The following PPP1R42 variants were observed in gnomAD, a reference collection of about 807,000 sequenced individuals.
PPP1R42 encodes the protein leucine rich repeat containing 67.
A neutral mutation model predicts 31.0 loss-of-function variants in PPP1R42; 34 were observed. That is an observed-to-expected ratio of 1.10 (90% CI 0.83 to 1.46). The LOEUF (loss-of-function observed/expected upper bound fraction) is 1.46, where lower values mean the gene tolerates loss of function less well. Ranked by LOEUF, PPP1R42 falls within the 40% of genes most tolerant of loss-of-function variation. PPP1R42 has a pLI of 0.00. For missense variants in PPP1R42, 268 were observed against 303.0 expected (o/e 0.88, Z 0.86); for synonymous variants, 103 against 109.8 (o/e 0.94, Z 0.39).
chr8:66,991,844 A>G lies in PPP1R42; in HGVS notation c.553-3327T>C, dbSNP rs1460525529. Among the ~76,000 whole-genome samples the G allele has an allele frequency of 4.6e-5, 7 of 152,120 alleles. No individual in the cohort carries two copies. The East Asian group carries it at 1.4e-3, about 29-fold the overall frequency. Reference sequence around the variant, plus strand: ...ATGCTTCTCAAACTTTCATGTGCTTAAGAATCCTGAGTGATCTTATTTAAA... The same window carrying G: ...ATGCTTCTCAAACTTTCATGTGCTTGAGAATCCTGAGTGATCTTATTTAAA... On this transcript the variant is annotated intron_variant, in intron 5 of 7. Transcript: ENST00000685739.
intron 6 of PPP1R42, among the ~76,000 whole-genome samples, chr8:66,987,409 A>G (rs1383103906): frequency 6.8e-6 from 1 of 147,360 alleles, no homozygotes. Flanking sequence ...CTCCTATCTC[A>G]GCCTCCCGAG....
chr8:66,967,482 C>A (rs910193236), intron 7 of PPP1R42, among the ~76,000 whole-genome samples: 1 of 152,176 alleles, frequency 6.6e-6, no homozygotes, highest in African/African-American at 2.4e-5. Context: ...TATATAACAT[C>A]ATTCCAGAGT....
In PPP1R42 at chr8:66,964,352, G is replaced by GA. The variant is rs548053189; in HGVS notation, c.803-19dup. The GA allele has an allele frequency of 1.4e-4, 174 of 1,218,226 alleles. No individual in the cohort carries two copies. Among genetic ancestry groups the GA allele is most frequent in the South Asian group, 9.2e-4 (66 of 71,784 alleles). 75.5% of individuals were successfully genotyped at this position (1,218,226 alleles called of 1,614,324 possible). On this transcript the variant is annotated intron_variant, in intron 7 of 7. Coordinates refer to ENST00000685739, the MANE Select transcript of PPP1R42 (RefSeq NM_001364910.1). ...AGAGATTCCTGTATTTATAGAGAGGGAAAAAAAAGCATTAAATTAAAAAAA... is the reference window on the plus strand; with the variant it reads ...AGAGATTCCTGTATTTATAGAGAGGGAAAAAAAAAGCATTAAATTAAAAAAA...
chr8:66,970,924 A>T (rs1416055431), intron 7 of PPP1R42: 8 of 1,237,650 alleles, frequency 6.5e-6, no homozygotes, highest in African/African-American at 6.0e-5. Context: ...GTTTACTGTG[A>T]AGATGTCTCC....
intron 1 of PPP1R42, 121 bp from the exon 2 acceptor site, chr8:67,017,952 T>C: frequency 2.4e-6 from 1 of 411,748 alleles, no homozygotes; most frequent in South Asian, 8.9e-5. Flanking sequence ...TTTATAGACA[T>C]TTTTAGGGGC....
intron 5 of PPP1R42, among the ~76,000 whole-genome samples, chr8:67,006,696 C>G (rs1198913253): frequency 6.7e-6 from 1 of 148,948 alleles, no homozygotes; most frequent in East Asian, 2.0e-4. Flanking sequence ...TTAACCATTT[C>G]CTCCCTTGTC....
chr8:66,971,794 AT>A (rs1298963611), intron 7 of PPP1R42, among the ~76,000 whole-genome samples: 3 of 152,328 alleles, frequency 2.0e-5, no homozygotes, highest in Admixed American at 2.0e-4. Context: ...TTAGGATAAG[AT>A]TTTTAAATTG....
intron 6 of PPP1R42, chr8:66,985,281 G>A (rs1449028253): frequency 2.1e-6 from 2 of 934,956 alleles, no homozygotes; most frequent in African/African-American, 1.6e-5. Flanking sequence ...CGACAGTGGA[G>A]ACTCGGGGTC....
At chr8:66,982,532 A>G (rs950014030) in intron 6 of PPP1R42, among the ~76,000 whole-genome samples, 1 of 151,576 alleles carries the variant, frequency 6.6e-6, no homozygotes, top group African/African-American at 2.4e-5. Flanking sequence ...CTTGGCTTAC[A>G]GCAACCTCTG....
At chr8:66,982,353 A>T (rs949877201) in intron 6 of PPP1R42, among the ~76,000 whole-genome samples, 173 bp from the exon 7 acceptor site, 2 of 152,242 alleles carry the variant, frequency 1.3e-5, no homozygotes, top group Admixed American at 1.3e-4. Flanking sequence ...GATTTTATTT[A>T]TAGATTTTTT....
At chr8:66,987,682 T>A (rs1027256706) in intron 6 of PPP1R42, among the ~76,000 whole-genome samples, 3 of 152,200 alleles carry the variant, frequency 2.0e-5, no homozygotes, top group Non-Finnish European at 4.4e-5. Flanking sequence ...CTATGAGATT[T>A]ATTTCATTTT....
At chr8:67,013,586 G>A (rs1815910345) in intron 3 of PPP1R42, among the ~76,000 whole-genome samples, 1 of 151,940 alleles carries the variant, frequency 6.6e-6, no homozygotes, top group African/African-American at 2.4e-5. Flanking sequence ...CAGTTATTGT[G>A]GTGCATACTT....
intron 5 of PPP1R42, among the ~76,000 whole-genome samples, chr8:66,997,423 C>T (rs1359089331): frequency 6.6e-6 from 1 of 151,628 alleles, no homozygotes; most frequent in Non-Finnish European, 1.5e-5. Context: ...CCTCAGCCTC[C>T]TGAGTAGCTG....
rs200715287 is a variant in PPP1R42 at position 66,972,105 on chromosome 8, TAA to T, written c.803-7773_803-7772del. Among the ~76,000 whole-genome samples, 519 of 152,342 alleles carry T rather than the reference TAA, an allele frequency of 3.4e-3. 6 individuals carry two copies. The highest frequency in any genetic ancestry group is 0.011 in the African/African-American group (460 of 41,588). On this transcript the variant is annotated intron_variant, in intron 7 of 7. Transcript: ENST00000685739. Reference sequence around the variant, plus strand: ...GCTTTCCCTTTCTCTTGCACAGTTATAAAAGAGTCTTTGCATAAAGACCATAT... The same window carrying T: ...GCTTTCCCTTTCTCTTGCACAGTTATAAGAGTCTTTGCATAAAGACCATAT...
intron 7 of PPP1R42, among the ~76,000 whole-genome samples, chr8:66,971,752 C>A (rs558316898): frequency 2.0e-5 from 3 of 152,116 alleles, no homozygotes; most frequent in African/African-American, 7.2e-5. Context: ...AGTATGTTTA[C>A]AATTTTGTGT....
intron 7 of PPP1R42, chr8:66,968,568 C>G: frequency 1.3e-6 from 1 of 782,812 alleles, no homozygotes. Context: ...TTTCTAGAAA[C>G]TAAAAATCTG....
chr8:67,011,254 C>T (rs539653869), intron 4 of PPP1R42, among the ~76,000 whole-genome samples: 2 of 152,114 alleles, frequency 1.3e-5, no homozygotes, highest in Non-Finnish European at 2.9e-5. Flanking sequence ...CATAGGGGTG[C>T]GGTGGCTCAT....
At chr8:67,021,138 A>G (rs563416079) in intron 1 of PPP1R42, 1 of 152,340 alleles carries the variant, frequency 6.6e-6, no homozygotes, top group African/African-American at 2.4e-5. Flanking sequence ...GTGTATATGG[A>G]ATTTAACCAA....
rs374786828 is a variant in PPP1R42 at position 66,978,332 on chromosome 8, A to G, written c.802+3717T>C. 3.9e-5 allele frequency among the ~76,000 whole-genome samples: 6 copies of G among 152,296 alleles called. No homozygotes were observed. In the East Asian group the frequency reaches 5.8e-4, roughly 15 times the overall value. Reference sequence around the variant, plus strand: ...TGGGGGAAACCACCCCCATAATTCAATTATCTCCCACCACGTCCCTCCCAC... The same window carrying G: ...TGGGGGAAACCACCCCCATAATTCAGTTATCTCCCACCACGTCCCTCCCAC... On this transcript the variant is annotated intron_variant, in intron 7 of 7. Transcript: ENST00000685739.
Sources: allele counts gnomAD v4.1 joint callset (sites outside exome capture counted in the v4.1 genomes callset), GRCh38; gene constraint gnomAD v4.1.1; transcripts MANE v1.5; gene names NCBI Gene and HGNC (gene_info 2026-07-23, HGNC 2026-07-21).